Variants in ARFGEF3 observed in about 807,000 individuals in gnomAD.
ARFGEF3 encodes ARFGEF family member 3.
In ARFGEF3, 96 loss-of-function variants were observed where a neutral mutation model predicts 221.7. The ratio of observed to expected loss-of-function variants is 0.43; its 90% CI spans 0.37 to 0.51. ARFGEF3 has a LOEUF of 0.51. ARFGEF3 is among the 20% of genes least tolerant of loss of function. The pLI is 0.00. For synonymous variants in ARFGEF3, 1,145 were observed against 1,126.8 expected, an observed-to-expected ratio of 1.02 and a Z score of -0.32; for missense variants, 2,410 against 2,789.9, an observed-to-expected ratio of 0.86 and a Z score of 3.07.
intron 4 of ARFGEF3, chr6:138,218,457 A>T: frequency 6.8e-7 from 1 of 1,466,162 alleles, no homozygotes; most frequent in Non-Finnish European, 9.0e-7. Context: ...GTAAATTATT[A>T]TACATCAATT....
Position 138,334,329 on chromosome 6 carries a change from A to C in ARFGEF3, c.5483A>C (p.Asn1828Thr). The C allele has an allele frequency of 1.2e-6, 2 of 1,613,854 alleles. No individual in the cohort carries two copies. Among genetic ancestry groups the C allele is most frequent in the Non-Finnish European group, 1.7e-6 (2 of 1,179,876 alleles). The change falls in exon 33 of 34, where the codon AAT (asparagine) becomes ACT (threonine). Residue 1828 changes from asparagine to threonine, a missense_variant. By Grantham distance (65) the Asn-to-Thr change is moderately conservative (BLOSUM62 0). Around this residue, in one of 5 missense-constraint regions of ARFGEF3, gnomAD observed 723 missense variants for 991.9 expected, o/e 0.73. Coordinates refer to ENST00000251691, the MANE Select transcript of ARFGEF3 (RefSeq NM_020340.5). This position sits in a 1 kb window ranked among gnomAD's most constrained non-coding sequence, Gnocchi z 5.1. ...FHALVCAVLT[N>T]QETITAEQVK... ...GCCCTGGTGTGTGCTGTTCTCACCA[A>C]TCAAGAAACCATCACGGCCGAGCAA...
At chr6:138,223,021 G>T (rs1778009188) in intron 4 of ARFGEF3, among the ~76,000 whole-genome samples, 1 of 152,094 alleles carries the variant, frequency 6.6e-6, no homozygotes, top group Admixed American at 6.5e-5. Context: ...CTGCCATTTT[G>T]CGAACTTCAG....
At chr6:138,294,657 G>A (rs1408655251) in intron 20 of ARFGEF3, among the ~76,000 whole-genome samples, 2 of 152,244 alleles carry the variant, frequency 1.3e-5, no homozygotes, top group Non-Finnish European at 2.9e-5. Context: ...GAGGCCAGGT[G>A]AAGAAATAAG....
intron 2 of ARFGEF3, among the ~76,000 whole-genome samples, chr6:138,185,494 T>A (rs1056753739): frequency 6.6e-6 from 1 of 152,224 alleles, no homozygotes; most frequent in Non-Finnish European, 1.5e-5. Flanking sequence ...GCAGCTGCCA[T>A]AACCAATCTG....
chr6:138,259,930 C>T (rs565239073), intron 10 of ARFGEF3, among the ~76,000 whole-genome samples: 24 of 152,048 alleles, frequency 1.6e-4, no homozygotes, highest in African/African-American at 5.1e-4. Context: ...AAAAAATTAT[C>T]GAATTTATTA....
At chr6:138,167,672 C>G (rs1776748069) in intron 1 of ARFGEF3, among the ~76,000 whole-genome samples, 1 of 152,228 alleles carries the variant, frequency 6.6e-6, no homozygotes, top group South Asian at 2.1e-4. Context: ...TCACTTCTTT[C>G]TACCTCTGTT....
At chr6:138,199,453 A>G (rs926133470) in intron 2 of ARFGEF3, among the ~76,000 whole-genome samples, 11 of 152,286 alleles carry the variant, frequency 7.2e-5, no homozygotes, top group Non-Finnish European at 1.6e-4. Context: ...TCAGGAATGT[A>G]TTTGGGGTTA....
intron 10 of ARFGEF3, among the ~76,000 whole-genome samples, chr6:138,257,161 T>G (rs570038310): frequency 2.6e-5 from 4 of 152,314 alleles, no homozygotes; most frequent in African/African-American, 9.6e-5. Flanking sequence ...GCTTTAAGAA[T>G]TGATCTTCAC....
intron 8 of ARFGEF3, among the ~76,000 whole-genome samples, chr6:138,248,398 A>G (rs1465898681): frequency 6.6e-6 from 1 of 152,170 alleles, no homozygotes; most frequent in African/African-American, 2.4e-5. Context: ...CTCCACCCCC[A>G]GGTCCTAGCA....
intron 19 of ARFGEF3, among the ~76,000 whole-genome samples, chr6:138,292,288 C>G (rs577590012): frequency 4.6e-5 from 7 of 152,220 alleles, no homozygotes; most frequent in Non-Finnish European, 1.0e-4. Flanking sequence ...TGCGCTTACT[C>G]TGGGATCTCA....
chr6:138,212,590 G>A (rs563425406), intron 4 of ARFGEF3, among the ~76,000 whole-genome samples: 277 of 152,150 alleles, frequency 1.8e-3, no homozygotes, highest in Middle Eastern at 3.4e-3. Context: ...TGTTTATTGC[G>A]GCACTATTCA....
intron 12 of ARFGEF3, among the ~76,000 whole-genome samples, chr6:138,272,697 A>G (rs955796547): frequency 2.0e-5 from 3 of 152,236 alleles, no homozygotes; most frequent in Non-Finnish European, 2.9e-5. Context: ...CGTAGACTTA[A>G]ATAAATCTGT....
At chr6:138,174,430 A>G (rs1295935126) in intron 2 of ARFGEF3, among the ~76,000 whole-genome samples, 3 of 139,226 alleles carry the variant, frequency 2.2e-5, no homozygotes, top group African/African-American at 8.0e-5. Flanking sequence ...CTGTTAAATC[A>G]TTATGTTTAA....
At chr6:138,204,421 A>G (rs1777593493) in intron 2 of ARFGEF3, among the ~76,000 whole-genome samples, 2 of 150,564 alleles carry the variant, frequency 1.3e-5, no homozygotes, top group Admixed American at 6.7e-5. Context: ...CACTTTGTCT[A>G]TATCAATGCT....
At chr6:138,295,074 T>C (rs1233455702) in intron 20 of ARFGEF3, among the ~76,000 whole-genome samples, 1 of 152,172 alleles carries the variant, frequency 6.6e-6, no homozygotes, top group Non-Finnish European at 1.5e-5. Flanking sequence ...TCTCTGAGCC[T>C]GGGGGTAACC....
chr6:138,281,695 G>T (rs1779199809), intron 14 of ARFGEF3, among the ~76,000 whole-genome samples: 1 of 152,204 alleles, frequency 6.6e-6, no homozygotes, highest in Admixed American at 6.5e-5. Context: ...TGGACCACAA[G>T]AACTTTTAAA....
chr6:138,308,239 A>G (rs1354151441), intron 23 of ARFGEF3, among the ~76,000 whole-genome samples: 1 of 152,166 alleles, frequency 6.6e-6, no homozygotes, highest in Non-Finnish European at 1.5e-5. Context: ...AACTACTCTT[A>G]TCAGTTAACT....
At chr6:138,211,879 A>G (rs938051243) in intron 4 of ARFGEF3, among the ~76,000 whole-genome samples, 2 of 152,164 alleles carry the variant, frequency 1.3e-5, no homozygotes, top group Non-Finnish European at 2.9e-5. Flanking sequence ...GGTTAACTCC[A>G]CCAGAAATCG....
chr6:138,243,968 T>A (rs548643688), intron 7 of ARFGEF3, among the ~76,000 whole-genome samples: 5 of 152,146 alleles, frequency 3.3e-5, no homozygotes, highest in Admixed American at 3.3e-4. Context: ...TCCTTTCCTC[T>A]TTTTGGCTAT....
Sources: allele counts gnomAD v4.1 joint callset (sites outside exome capture counted in the v4.1 genomes callset), GRCh38; gene constraint gnomAD v4.1.1; regional missense constraint gnomAD v4.1.1; non-coding constraint Gnocchi (gnomAD v3.1); transcripts MANE v1.5; gene names NCBI Gene and HGNC (gene_info 2026-07-23, HGNC 2026-07-21).